CLIC4: variants seen among roughly 807,000 people sequenced by gnomAD.
The protein encoded by CLIC4 is CLIC family member 4.
CLIC4 carries 13 observed loss-of-function variants against 24.6 expected under a neutral mutation model. The ratio of observed to expected loss-of-function variants is 0.53; its 90% confidence interval spans 0.34 to 0.84. The LOEUF (loss-of-function observed/expected upper bound fraction) is 0.84. CLIC4 is among the 40% of genes least tolerant of loss of function. CLIC4 has a pLI of 0.01. For synonymous variants in CLIC4, 104 were observed against 111.3 expected, an observed-to-expected ratio of 0.93 and a Z score of 0.41; for missense variants, 227 against 301.7, an observed-to-expected ratio of 0.75 and a Z score of 1.83.
chr1:24,780,407 T>C (rs1321689412), intron 1 of CLIC4, among the ~76,000 whole-genome samples: 1 of 152,256 alleles, frequency 6.6e-6, no homozygotes, highest in African/African-American at 2.4e-5. Context: ...TGTTCCCTCT[T>C]TGCATAAAAT....
At chr1:24,827,644 A>G (rs1639800640) in intron 4 of CLIC4, among the ~76,000 whole-genome samples, 1 of 151,136 alleles carries the variant, frequency 6.6e-6, no homozygotes, top group Non-Finnish European at 1.5e-5. Flanking sequence ...GTAATTAGAC[A>G]TACTATCCTT....
chr1:24,761,246 C>A (rs563532064), intron 1 of CLIC4, among the ~76,000 whole-genome samples: 12 of 152,100 alleles, frequency 7.9e-5, no homozygotes, highest in African/African-American at 2.9e-4. Flanking sequence ...TTTATTAATA[C>A]CTCATAGAAC....
At chr1:24,812,280 G>T (rs1639622302) in intron 2 of CLIC4, among the ~76,000 whole-genome samples, 1 of 152,060 alleles carries the variant, frequency 6.6e-6, no homozygotes. Context: ...TTTATGTATT[G>T]AAGTAATTTT....
intron 1 of CLIC4, among the ~76,000 whole-genome samples, chr1:24,759,975 C>A (rs539658958): frequency 1.3e-5 from 2 of 151,974 alleles, no homozygotes; most frequent in Non-Finnish European, 2.9e-5. Flanking sequence ...AAAAACCAAA[C>A]CAAAACAAAC....
chr1:24,768,555 T>C (rs1420536271), intron 1 of CLIC4, among the ~76,000 whole-genome samples: 1 of 152,096 alleles, frequency 6.6e-6, no homozygotes, highest in Non-Finnish European at 1.5e-5. Context: ...TTCTAGACTC[T>C]ATCTAAGATT....
At chr1:24,824,377 C>T (rs988326707) in intron 3 of CLIC4, among the ~76,000 whole-genome samples, 1 of 152,186 alleles carries the variant, frequency 6.6e-6, no homozygotes. Flanking sequence ...AAGCAATTCT[C>T]CTGCCTCAGA....
intron 3 of CLIC4, among the ~76,000 whole-genome samples, chr1:24,821,327 C>G (rs1408799246): frequency 1.3e-5 from 2 of 152,108 alleles, no homozygotes; most frequent in Non-Finnish European, 2.9e-5. Flanking sequence ...GACATCATAG[C>G]TTTAAATTGG....
chr1:24,785,354 A>C (rs1478398819), intron 1 of CLIC4, among the ~76,000 whole-genome samples: 2 of 152,202 alleles, frequency 1.3e-5, no homozygotes, highest in Non-Finnish European at 2.9e-5. Context: ...CCCCACAATA[A>C]CATGGTACAT....
intron 1 of CLIC4, among the ~76,000 whole-genome samples, chr1:24,777,088 G>T (rs769682485): frequency 6.6e-6 from 1 of 152,140 alleles, no homozygotes; most frequent in Non-Finnish European, 1.5e-5. Context: ...CTTTGTGTGT[G>T]TGCATGTGTG....
intron 1 of CLIC4, among the ~76,000 whole-genome samples, chr1:24,758,664 G>T (rs989911256): frequency 2.0e-5 from 3 of 151,900 alleles, no homozygotes; most frequent in Non-Finnish European, 2.9e-5. Flanking sequence ...GCCGTTGTTC[G>T]CCAGGCTGAT....
At chr1:24,819,252 C>T (rs952810040) in intron 3 of CLIC4, among the ~76,000 whole-genome samples, 7 of 152,140 alleles carry the variant, frequency 4.6e-5, no homozygotes, top group African/African-American at 1.7e-4. Flanking sequence ...TCCTAACCTT[C>T]CTTTCATCCC....
chr1:24,782,498 G>C (rs1306595924), intron 1 of CLIC4, among the ~76,000 whole-genome samples: 5 of 151,464 alleles, frequency 3.3e-5, no homozygotes, highest in Non-Finnish European at 7.4e-5. Context: ...CACATGGCTG[G>C]TGAATGAATA....
Position 24,761,073 on chromosome 1 carries a change from T to C in CLIC4, c.72+15448T>C, listed in dbSNP as rs1486027307. ...ACAGAATTTCCTGAGGGACTGGATG[T>C]GGAATGTGAGAGAAAGAGGAGTTAA... On this transcript the variant is annotated intron_variant, in intron 1 of 5. Coordinates refer to ENST00000374379, the MANE Select transcript of CLIC4 (RefSeq NM_013943.3). Among the ~76,000 whole-genome samples, 2 of 152,064 alleles carry C rather than the reference T, an allele frequency of 1.3e-5. 1 individual carries two copies. The highest frequency in any genetic ancestry group is 2.9e-5 in the Non-Finnish European group (2 of 68,020).
chr1:24,758,719 A>G (rs531598016), intron 1 of CLIC4, among the ~76,000 whole-genome samples: 5 of 152,144 alleles, frequency 3.3e-5, no homozygotes, highest in South Asian at 2.1e-4. Context: ...TGGCCTTCCA[A>G]AAGTTCTGGG....
Position 24,797,753 on chromosome 1 carries a change from T to C in CLIC4, c.84T>C (p.Asp28=). ...ATTCTGTTTTCCAGGCTGGCAGTGATGGTGAAAGCATAGGAAACTGCCCCT... is the reference window on the plus strand; with the variant it reads ...ATTCTGTTTTCCAGGCTGGCAGTGACGGTGAAAGCATAGGAAACTGCCCCT... ...LIELFVKAGS[D]GESIGNCPFS... Residue 28 remains aspartate, a synonymous_variant, in exon 2 of 6, where the codon GAT becomes GAC. Transcript: ENST00000374379. 1 of 1,609,814 alleles carries C rather than the reference T, an allele frequency of 6.2e-7. No individual in the cohort carries two copies. The highest frequency in any genetic ancestry group is 2.2e-5 in the East Asian group (1 of 44,806).
chr1:24,784,959 G>C (rs1316680132), intron 1 of CLIC4, among the ~76,000 whole-genome samples: 1 of 147,436 alleles, frequency 6.8e-6, no homozygotes, highest in African/African-American at 2.5e-5. Context: ...AGCCAAGATC[G>C]CGCCACTGCA....
At chr1:24,795,129 T>A (rs1639383308) in intron 1 of CLIC4, among the ~76,000 whole-genome samples, 1 of 152,092 alleles carries the variant, frequency 6.6e-6, no homozygotes, top group Non-Finnish European at 1.5e-5. Context: ...CAAACTCCTG[T>A]GACATGAGTT....
At chr1:24,765,893 C>T (rs1638989297) in intron 1 of CLIC4, among the ~76,000 whole-genome samples, 1 of 150,376 alleles carries the variant, frequency 6.6e-6, no homozygotes, top group African/African-American at 2.4e-5. Flanking sequence ...CTTACTGCAA[C>T]CTCCACCTTG....
At chr1:24,811,855 A>G (rs905612486) in intron 2 of CLIC4, among the ~76,000 whole-genome samples, 3 of 152,320 alleles carry the variant, frequency 2.0e-5, no homozygotes, top group South Asian at 2.1e-4. Flanking sequence ...GAAACACACC[A>G]TATCTGGTCA....
Sources: allele counts gnomAD v4.1 joint callset (sites outside exome capture counted in the v4.1 genomes callset), GRCh38; gene constraint gnomAD v4.1.1; transcripts MANE v1.5; gene names NCBI Gene and HGNC (gene_info 2026-07-23, HGNC 2026-07-21).